Variants in FUT8 observed in about 807,000 individuals in gnomAD.
FUT8 encodes the protein alpha-(1,6)-fucosyltransferase.
In FUT8, 29 loss-of-function variants were observed where a neutral mutation model predicts 71.3. The observed-to-expected ratio is 0.41, with a 90% CI of 0.30 to 0.55. FUT8 has a LOEUF of 0.55. FUT8 is among the 20% of genes least tolerant of loss of function. FUT8 has a pLI of 0.34. For synonymous variants in FUT8, 254 were observed against 239.3 expected (o/e 1.06, Z -0.57); for missense variants, 544 against 702.1 (o/e 0.77, Z 2.55).
intron 2 of FUT8, among the ~76,000 whole-genome samples, chr14:65,457,464 A>G (rs1249753359): frequency 6.6e-6 from 1 of 152,102 alleles, no homozygotes. Context: ...AGCCTTCTTG[A>G]ATATAGTGGT....
chr14:65,733,132 C>G, intron 9 of FUT8, 99 bp from the exon 10 acceptor site: 1 of 705,666 alleles, frequency 1.4e-6, no homozygotes, highest in East Asian at 2.9e-5. Context: ...AATTAAAGGT[C>G]TCCTTTCTGT....
chr14:65,730,543 G>A (rs1317653743), intron 9 of FUT8, among the ~76,000 whole-genome samples: 1 of 152,074 alleles, frequency 6.6e-6, no homozygotes, highest in Non-Finnish European at 1.5e-5. Flanking sequence ...TATGGTGGTG[G>A]GCGCCTGTGG....
chr14:65,708,275 A>G (rs1441902273), intron 7 of FUT8, among the ~76,000 whole-genome samples: 3 of 152,138 alleles, frequency 2.0e-5, no homozygotes, highest in Admixed American at 1.3e-4. Context: ...CCTTGTGTAG[A>G]AGGTGCCTTA....
At chr14:65,516,091 G>A (rs2139840194) in intron 2 of FUT8, among the ~76,000 whole-genome samples, 1 of 152,106 alleles carries the variant, frequency 6.6e-6, no homozygotes, top group South Asian at 2.1e-4. Context: ...TTGAGCCTAG[G>A]AATTTGAGGA....
intron 1 of FUT8, among the ~76,000 whole-genome samples, chr14:65,438,278 T>C (rs1029863111): frequency 3.4e-4 from 52 of 152,182 alleles, no homozygotes; most frequent in African/African-American, 1.1e-3. Context: ...GTTTTTTTTT[T>C]CCCCTCACAT....
chr14:65,393,597 C>A, the FUT8 span, among the ~76,000 whole-genome samples: 10 of 152,184 alleles, frequency 6.6e-5, no homozygotes, highest in South Asian at 2.1e-3. Flanking sequence ...CATGAAGCCA[C>A]GGAGCCTTTC....
At chr14:65,692,831 G>T (rs1210984704) in intron 7 of FUT8, among the ~76,000 whole-genome samples, 3 of 151,314 alleles carry the variant, frequency 2.0e-5, no homozygotes, top group Admixed American at 2.0e-4. Context: ...CCCAGACGGG[G>T]TCACGGCCGG....
At chr14:65,659,390 A>G (rs1891850100) in intron 6 of FUT8, among the ~76,000 whole-genome samples, 1 of 152,132 alleles carries the variant, frequency 6.6e-6, no homozygotes, top group Non-Finnish European at 1.5e-5. Flanking sequence ...TGAATAGACA[A>G]GTGCTGTAAG....
At chr14:65,629,383 A>G (rs1890057945) in intron 5 of FUT8, 109 bp from the exon 6 acceptor site, 1 of 660,092 alleles carries the variant, frequency 1.5e-6, no homozygotes, top group African/African-American at 1.8e-5. Flanking sequence ...TACCAGTGTC[A>G]ATGCGAGCAT....
intron 7 of FUT8, among the ~76,000 whole-genome samples, chr14:65,691,743 C>T (rs1172424653): frequency 1.3e-5 from 2 of 151,500 alleles, no homozygotes; most frequent in African/African-American, 4.9e-5. Context: ...GCAGAGGACC[C>T]TGCGGCCTTC....
At chr14:65,726,285 A>G (rs1594941555) in intron 9 of FUT8, among the ~76,000 whole-genome samples, 4 of 152,318 alleles carry the variant, frequency 2.6e-5, no homozygotes, top group Admixed American at 2.6e-4. Context: ...TGATGAGCAA[A>G]TTAATTCATG....
At chr14:65,360,820 G>A in the FUT8 span, among the ~76,000 whole-genome samples, 1 of 152,148 alleles carries the variant, frequency 6.6e-6, no homozygotes, top group Non-Finnish European at 1.5e-5. Context: ...GTGTGGAAAT[G>A]GGGAAGCACT....
chr14:65,617,336 A>T (rs1253141774), intron 5 of FUT8: 1 of 957,512 alleles, frequency 1.0e-6, no homozygotes, highest in African/African-American at 1.7e-5. Flanking sequence ...ATATGATAGC[A>T]TGGATTTCAA....
chr14:65,564,492 A>G (rs1315868367), intron 3 of FUT8, among the ~76,000 whole-genome samples: 2 of 152,042 alleles, frequency 1.3e-5, no homozygotes, highest in African/African-American at 2.4e-5. Context: ...TAGAAGCACA[A>G]TATATAGGAG....
intron 3 of FUT8, among the ~76,000 whole-genome samples, chr14:65,580,859 C>G (rs542095702): frequency 2.0e-5 from 3 of 152,008 alleles, no homozygotes; most frequent in Non-Finnish European, 2.9e-5. Flanking sequence ...TGAATCAGCC[C>G]CTAGACACAG....
Position 65,742,652 on chromosome 14 carries a change from T to C in FUT8, c.*242T>C. The C allele has an allele frequency of 2.4e-6, 1 of 424,770 alleles. No individual in the cohort carries two copies. 26.3% of individuals were successfully genotyped at this position (424,770 alleles called of 1,614,324 possible). A position where few individuals can be genotyped will look rare whatever the true frequency, so the allele number is the denominator to read the frequency against. On this transcript the variant is annotated 3_prime_UTR_variant, in exon 11 of 11. Coordinates refer to ENST00000673929, the MANE Select transcript of FUT8 (RefSeq NM_001371533.1). ...TACAATAATGTACTCACATATAACATGCAAACAGGTTGTTTTCTACTTTGC... is the reference window on the plus strand; with the variant it reads ...TACAATAATGTACTCACATATAACACGCAAACAGGTTGTTTTCTACTTTGC...
At chr14:65,421,540 A>T (rs1053739512) in intron 1 of FUT8, among the ~76,000 whole-genome samples, 3 of 152,192 alleles carry the variant, frequency 2.0e-5, no homozygotes, top group Non-Finnish European at 4.4e-5. Context: ...GGTCCATGTC[A>T]TGAAGGAGTC....
chr14:65,439,225 G>C (rs984867565), intron 1 of FUT8, among the ~76,000 whole-genome samples: 1 of 152,138 alleles, frequency 6.6e-6, no homozygotes, highest in African/African-American at 2.4e-5. Flanking sequence ...AAAAATACCA[G>C]CTCTGTCCTG....
intron 3 of FUT8, among the ~76,000 whole-genome samples, chr14:65,571,822 A>T (rs1886493284): frequency 6.6e-6 from 1 of 152,132 alleles, no homozygotes; most frequent in African/African-American, 2.4e-5. Flanking sequence ...AAAGTATTAT[A>T]TCAGTTGTTC....
Sources: gnomAD v4.1 joint callset for allele counts (sites outside exome capture counted in the v4.1 genomes callset) on GRCh38, gnomAD v4.1.1 for gene constraint, MANE v1.5 for transcripts, NCBI Gene and HGNC (gene_info 2026-07-23, HGNC 2026-07-21) for gene names.